The following IGSF11 variants were observed in gnomAD, a reference collection of about 807,000 sequenced individuals.
IGSF11 encodes immunoglobulin superfamily member 11.
A neutral mutation model predicts 41.0 loss-of-function variants in IGSF11; 22 were observed. The observed-to-expected ratio is 0.54, with a 90% CI of 0.38 to 0.77. The LOEUF is 0.77. Among genes scored for constraint, IGSF11 ranks in the 30% least tolerant of loss-of-function variants. The pLI, the probability that IGSF11 is intolerant of heterozygous loss-of-function variation, is 0.00. For synonymous variants in IGSF11, 219 were observed against 201.3 expected (o/e 1.09, Z -0.74); for missense variants, 444 against 530.8 (o/e 0.84, Z 1.61).
At chr3:118,912,305 T>C (rs1940427014) in intron 4 of IGSF11, among the ~76,000 whole-genome samples, 1 of 152,194 alleles carries the variant, frequency 6.6e-6, no homozygotes, top group Non-Finnish European at 1.5e-5. Flanking sequence ...GAAACAACTG[T>C]GCTTATCTCC....
chr3:119,062,758 C>G (rs1942095087), intron 1 of IGSF11, among the ~76,000 whole-genome samples: 1 of 152,126 alleles, frequency 6.6e-6, no homozygotes, highest in Non-Finnish European at 1.5e-5. Flanking sequence ...ATACCAGGAA[C>G]AGTGAACTGG....
intron 1 of IGSF11, among the ~76,000 whole-genome samples, chr3:119,143,756 A>G (rs1448010306): frequency 1.3e-5 from 2 of 152,182 alleles, no homozygotes; most frequent in Non-Finnish European, 2.9e-5. Context: ...TTGAAAATAC[A>G]ACTAGGGAAA....
At chr3:119,091,442 A>G (rs1364096624) in intron 1 of IGSF11, among the ~76,000 whole-genome samples, 1 of 152,230 alleles carries the variant, frequency 6.6e-6, no homozygotes, top group East Asian at 1.9e-4. Flanking sequence ...TTGCAAAGAC[A>G]TAGAATCAAC....
chr3:119,003,351 T>G (rs1223742790), intron 1 of IGSF11, among the ~76,000 whole-genome samples: 3 of 148,694 alleles, frequency 2.0e-5, no homozygotes, highest in Non-Finnish European at 4.4e-5. Flanking sequence ...TGAAGTTGCT[T>G]ATCAGCTTAA....
At chr3:119,117,481 A>G (rs2077274779) in intron 1 of IGSF11, among the ~76,000 whole-genome samples, 1 of 152,148 alleles carries the variant, frequency 6.6e-6, no homozygotes. Flanking sequence ...CACTATCACA[A>G]GAACAGCACA....
intron 4 of IGSF11, among the ~76,000 whole-genome samples, chr3:118,914,449 G>A (rs537557208): frequency 4.0e-5 from 6 of 151,434 alleles, no homozygotes; most frequent in Admixed American, 2.6e-4. Flanking sequence ...CCTGGGAAGC[G>A]CAAGGGGTCA....
At chr3:118,956,179 A>G (rs749446196) in intron 1 of IGSF11, among the ~76,000 whole-genome samples, 2 of 152,106 alleles carry the variant, frequency 1.3e-5, no homozygotes, top group Non-Finnish European at 2.9e-5. Context: ...ACTGCTCTAG[A>G]TTAGGTTTTG....
chr3:119,004,588 T>C (rs952784692), intron 1 of IGSF11, among the ~76,000 whole-genome samples: 2 of 143,516 alleles, frequency 1.4e-5, no homozygotes, highest in Admixed American at 6.9e-5. Flanking sequence ...CTGCTTTCTC[T>C]TGTGGGCATT....
At chr3:118,904,953 A>G (rs1200692669) in intron 5 of IGSF11, among the ~76,000 whole-genome samples, 155 bp from the exon 6 acceptor site, 1 of 152,210 alleles carries the variant, frequency 6.6e-6, no homozygotes, top group African/African-American at 2.4e-5. Flanking sequence ...TTAAACCTCA[A>G]TTAACTTTCT....
At chr3:118,917,439 C>T (rs1469805107) in intron 4 of IGSF11, among the ~76,000 whole-genome samples, 1 of 147,242 alleles carries the variant, frequency 6.8e-6, no homozygotes, top group Non-Finnish European at 1.5e-5. Context: ...CCACCGATCC[C>T]ACAGAAATAC....
chr3:118,961,207 T>A (rs1945310478), intron 1 of IGSF11, among the ~76,000 whole-genome samples: 1 of 152,242 alleles, frequency 6.6e-6, no homozygotes, highest in South Asian at 2.1e-4. Context: ...TGGGGCCAGT[T>A]CCTGCTGAGA....
At chr3:118,985,069 AAAT>A (rs995724948) in intron 1 of IGSF11, among the ~76,000 whole-genome samples, 8 of 152,156 alleles carry the variant, frequency 5.3e-5, no homozygotes, top group South Asian at 4.1e-4. Flanking sequence ...TCTAATAATG[AAAT>A]AATAATAATA....
intron 1 of IGSF11, among the ~76,000 whole-genome samples, chr3:119,065,792 C>CAAAAAAAAA: frequency 1.8e-5 from 1 of 56,728 alleles, no homozygotes; most frequent in Non-Finnish European, 3.8e-5. Context: ...GACTCTGTCT[C>CAAAAAAAAA]AAAAAAAAAA....
At chr3:119,005,214 G>T (rs1438890185) in intron 1 of IGSF11, among the ~76,000 whole-genome samples, 1 of 146,134 alleles carries the variant, frequency 6.8e-6, no homozygotes, top group Admixed American at 6.7e-5. Flanking sequence ...TTACCATTAT[G>T]TAATGGCCTT....
chr3:119,095,194 G>A (rs921200996), intron 1 of IGSF11, among the ~76,000 whole-genome samples: 9 of 152,264 alleles, frequency 5.9e-5, no homozygotes, highest in South Asian at 4.1e-4. Context: ...GTTCATGCTC[G>A]TATCTGAGAA....
In IGSF11 at chr3:118,999,185, T is replaced by C. The variant is rs1936566578; in HGVS notation, c.52+35346A>G. Among the ~76,000 whole-genome samples the C allele has an allele frequency of 2.0e-5, 3 of 152,034 alleles. No individual in the cohort carries two copies. The South Asian group carries it at 6.2e-4, about 32-fold the overall frequency. On this transcript the variant is annotated intron_variant, in intron 1 of 6. Coordinates refer to ENST00000393775, the MANE Select transcript of IGSF11 (RefSeq NM_001015887.3). ...AATGGGGCCAGGATATGAGAAAAACTTACTAATAAATATCTTACTTTTTTT... is the reference window on the plus strand; with the variant it reads ...AATGGGGCCAGGATATGAGAAAAACCTACTAATAAATATCTTACTTTTTTT...
intron 1 of IGSF11, among the ~76,000 whole-genome samples, chr3:119,044,385 T>G (rs1023220148): frequency 6.6e-6 from 1 of 151,878 alleles, no homozygotes; most frequent in Non-Finnish European, 1.5e-5. Flanking sequence ...TTTTAAAAAA[T>G]AAACAAAGCC....
chr3:119,004,948 G>A (rs1470440535), intron 1 of IGSF11, among the ~76,000 whole-genome samples: 2 of 151,740 alleles, frequency 1.3e-5, no homozygotes, highest in South Asian at 2.1e-4. Flanking sequence ...TGTTGATTTG[G>A]GGTGGAGAGT....
intron 1 of IGSF11, among the ~76,000 whole-genome samples, chr3:119,018,277 G>A (rs1016870272): frequency 6.6e-6 from 1 of 152,222 alleles, no homozygotes; most frequent in Admixed American, 6.5e-5. Context: ...ACTCAGAACT[G>A]TGTTACCTGC....
Sources: allele counts gnomAD v4.1 joint callset (sites outside exome capture counted in the v4.1 genomes callset), GRCh38; gene constraint gnomAD v4.1.1; transcripts MANE v1.5; gene names NCBI Gene and HGNC (gene_info 2026-07-23, HGNC 2026-07-21).